ABHD5: variants seen among roughly 807,000 people sequenced by gnomAD.
ABHD5 encodes 1-acylglycerol-3-phosphate O-acyltransferase ABHD5.
ABHD5 carries 30 observed loss-of-function variants against 44.9 expected under a neutral mutation model. The ratio of observed to expected loss-of-function variants is 0.67; its 90% confidence interval spans 0.50 to 0.91. The LOEUF (loss-of-function observed/expected upper bound fraction) is 0.91. Ranked by LOEUF, ABHD5 falls within the 40% of genes least tolerant of loss-of-function variation. The pLI, the probability that ABHD5 is intolerant of heterozygous loss-of-function variation, is 0.00. For missense variants in ABHD5, 399 were observed against 423.4 expected (o/e 0.94, Z 0.50); for synonymous variants, 167 against 147.0 (o/e 1.14, Z -0.99).
rs1310243972 is a variant in ABHD5 at position 43,722,542 on chromosome 3, A to G, written c.*4010A>G. On this transcript the variant is annotated 3_prime_UTR_variant, in exon 7 of 7. Coordinates refer to ENST00000644371, the MANE Select transcript of ABHD5 (RefSeq NM_016006.6). ...TTTTGAGGCCCTGTCAATGTTTTAT[A>G]TAATAAACATTTTTTGAAAAGGCAA... The G allele has an allele frequency of 6.6e-6, 1 of 152,192 alleles. No individual in the cohort carries two copies. Among genetic ancestry groups the G allele is most frequent in the Non-Finnish European group, 1.5e-5 (1 of 68,018 alleles). The allele number at this position is 152,192 out of a possible 1,614,324, so 9.4% of individuals were successfully genotyped here.
intron 1 of ABHD5, among the ~76,000 whole-genome samples, chr3:43,694,253 C>T (rs1379369716): frequency 2.3e-5 from 3 of 132,452 alleles, no homozygotes; most frequent in South Asian, 5.2e-4. Flanking sequence ...AGCAAGACTC[C>T]GTCTCAAAAA....
At chr3:43,710,145 T>C (rs1035921221) in intron 3 of ABHD5, among the ~76,000 whole-genome samples, 5 of 152,246 alleles carry the variant, frequency 3.3e-5, no homozygotes, top group Admixed American at 3.3e-4. Flanking sequence ...AACCTCTTTC[T>C]GATACACTAT....
intron 2 of ABHD5, among the ~76,000 whole-genome samples, chr3:43,701,732 A>G (rs1288552229): frequency 2.0e-5 from 3 of 152,178 alleles, no homozygotes; most frequent in Non-Finnish European, 4.4e-5. Context: ...ATCCTTCCCT[A>G]AATTCATGAC....
intron 1 of ABHD5, among the ~76,000 whole-genome samples, chr3:43,693,171 T>C (rs1465057331): frequency 1.3e-5 from 2 of 152,202 alleles, no homozygotes; most frequent in Non-Finnish European, 2.9e-5. Context: ...ACAGAATTGC[T>C]CAGTTGCAGG....
rs2084832801 is a variant in ABHD5, at chr3:43,721,270, A to C, written c.*2738A>C. 6.6e-6 allele frequency: 1 copy of C among 152,296 alleles called. No homozygotes were observed. Among genetic ancestry groups the C allele is most frequent in the Non-Finnish European group, 1.5e-5 (1 of 68,018 alleles). The allele number at this position is 152,296 out of a possible 1,614,324, so 9.4% of individuals were successfully genotyped here. On this transcript the variant is annotated 3_prime_UTR_variant, in exon 7 of 7. Coordinates refer to ENST00000644371, the MANE Select transcript of ABHD5 (RefSeq NM_016006.6). Reference sequence around the variant, plus strand: ...AAAAATAAAATTGAATCGATTTCTCACAGGATACACAGGATAAAATCTGAA... The same window carrying C: ...AAAAATAAAATTGAATCGATTTCTCCCAGGATACACAGGATAAAATCTGAA...
chr3:43,708,932 A>G (rs1411947689), intron 3 of ABHD5, among the ~76,000 whole-genome samples: 2 of 152,186 alleles, frequency 1.3e-5, no homozygotes, highest in Non-Finnish European at 2.9e-5. Context: ...TTTCTGTTCC[A>G]AACAGTATAA....
At chr3:43,717,124 CTG>C (rs1473789871) in intron 5 of ABHD5, among the ~76,000 whole-genome samples, 1 of 151,662 alleles carries the variant, frequency 6.6e-6, no homozygotes, top group Non-Finnish European at 1.5e-5. Flanking sequence ...TGAGCTGAGA[CTG>C]TGCGTGCAGC....
At chr3:43,728,520 C>T (rs765656066) in intron 7 of ABHD5, among the ~76,000 whole-genome samples, 1 of 152,134 alleles carries the variant, frequency 6.6e-6, no homozygotes, top group Non-Finnish European at 1.5e-5. Flanking sequence ...CACCTCCACT[C>T]TCCAAAAAAT....
Position 43,719,450 on chromosome 3 carries a change from T to G in ABHD5, c.*918T>G, listed in dbSNP as rs1339443916. 6.6e-6 allele frequency: 1 copy of G among 152,184 alleles called. No homozygotes were observed. Among genetic ancestry groups the G allele is most frequent in the Non-Finnish European group, 1.5e-5 (1 of 68,014 alleles). The allele number at this position is 152,184 out of a possible 1,614,324, so 9.4% of individuals were successfully genotyped here. A position where few individuals can be genotyped will look rare whatever the true frequency, so the allele number is the denominator to read the frequency against. The stretch of plus-strand genomic sequence containing the variant: ...ACCATATTTTTATTAACATCTAACT[T>G]TTGTAGATGGGTGCTAAAATTGCAT... On this transcript the variant is annotated 3_prime_UTR_variant, in exon 7 of 7. Coordinates refer to ENST00000644371, the MANE Select transcript of ABHD5 (RefSeq NM_016006.6).
In ABHD5 at chr3:43,718,535, AC is replaced by A. The variant is rs1325078182; in HGVS notation, c.*4del. Reference sequence around the variant, plus strand: ...AGATCTGCGACACTGTGGACTGAACACACTGAAGCTCTGATGGGAAAACCTG... The same window carrying A: ...AGATCTGCGACACTGTGGACTGAACAACTGAAGCTCTGATGGGAAAACCTG... On this transcript the variant is annotated 3_prime_UTR_variant, in exon 7 of 7. Coordinates refer to ENST00000644371, the MANE Select transcript of ABHD5 (RefSeq NM_016006.6). 3.7e-6 allele frequency: 6 copies of A among 1,613,936 alleles called. No homozygotes were observed. The highest frequency in any genetic ancestry group is 1.3e-5 in the African/African-American group (1 of 75,074).
chr3:43,710,038 A>G (rs2084668157), intron 3 of ABHD5, among the ~76,000 whole-genome samples: 2 of 152,090 alleles, frequency 1.3e-5, no homozygotes, highest in Non-Finnish European at 2.9e-5. Flanking sequence ...GTGAGACTCC[A>G]TCTCAAAACA....
At chr3:43,732,034 G>T (rs1028542840) in intron 7 of ABHD5, among the ~76,000 whole-genome samples, 3 of 152,030 alleles carry the variant, frequency 2.0e-5, no homozygotes, top group Admixed American at 2.0e-4. Flanking sequence ...CAAAAAAGTG[G>T]TGAGTGCGAG....
rs1348692579 is a variant in ABHD5, at chr3:43,718,876, A to G, written c.*344A>G. On this transcript the variant is annotated 3_prime_UTR_variant, in exon 7 of 7. Coordinates refer to ENST00000644371, the MANE Select transcript of ABHD5 (RefSeq NM_016006.6). ...GCTAGTTATTTTTATATTGCAATCT[A>G]TATTACCAATTTAGGAAGTGATTTC... is the stretch of plus-strand genomic sequence containing the variant. The G allele has an allele frequency of 1.5e-5, 4 of 259,138 alleles. No homozygotes were observed. Among genetic ancestry groups the G allele is most frequent in the Non-Finnish European group, 2.3e-5 (3 of 132,338 alleles). 16.1% of individuals were successfully genotyped at this position (259,138 alleles called of 1,614,324 possible).
rs189325485 is a variant in ABHD5 at position 43,715,000 on chromosome 3, A to G, written c.715A>G (p.Met239Val). ...RPDFKRKYSS[M>V]FEDDTVTEYI... ...TGATTTCAAACGAAAGTATTCTTCA[A>G]TGTTCGAAGACGATACTGTGACAGA... Residue 239 changes from methionine to valine, a missense_variant, in exon 5 of 7, where the codon ATG becomes GTG. Physicochemically the swap from Met to Val is conservative, Grantham distance 21 (BLOSUM62 1). Coordinates refer to ENST00000644371, the MANE Select transcript of ABHD5 (RefSeq NM_016006.6). 1.9e-5 allele frequency: 30 copies of G among 1,613,246 alleles called. No individual in the cohort carries two copies. The highest frequency in any genetic ancestry group is 6.7e-5 in the Admixed American group (4 of 59,986).
At chr3:43,691,140 C>T (rs1252166571) in intron 1 of ABHD5, 101 bp downstream of exon 1, 2 of 1,201,170 alleles carry the variant, frequency 1.7e-6, no homozygotes, top group East Asian at 3.0e-5. Context: ...CGCCGCCCGC[C>T]TGGCGACGAC....
At chr3:43,694,472 T>G (rs1034141461) in intron 1 of ABHD5, among the ~76,000 whole-genome samples, 13 of 152,158 alleles carry the variant, frequency 8.5e-5, no homozygotes, top group Admixed American at 6.5e-5. Flanking sequence ...TTTATTCTCT[T>G]TATTATCTAG....
intron 1 of ABHD5, 38 bp downstream of exon 1, chr3:43,691,077 C>T (rs1270270205): frequency 1.3e-6 from 2 of 1,512,072 alleles, no homozygotes; most frequent in Non-Finnish European, 8.9e-7. Flanking sequence ...GTGTCTCCGG[C>T]GCGCACCCTC....
intron 7 of ABHD5, among the ~76,000 whole-genome samples, chr3:43,728,433 GA>G (rs2084892287): frequency 6.6e-6 from 1 of 152,184 alleles, no homozygotes; most frequent in African/African-American, 2.4e-5. Flanking sequence ...CATTGCTGAT[GA>G]AAACTATTCA....
At chr3:43,718,403 C>CT in intron 6 of ABHD5, 40 bp from the exon 7 acceptor site, 1 of 1,528,512 alleles carries the variant, frequency 6.5e-7, no homozygotes, top group Non-Finnish European at 9.1e-7. Flanking sequence ...TTATTAAATG[C>CT]TTTTACTCAC....
Sources: gnomAD v4.1 joint callset for allele counts (sites outside exome capture counted in the v4.1 genomes callset) on GRCh38, gnomAD v4.1.1 for gene constraint, MANE v1.5 for transcripts, NCBI Gene and HGNC (gene_info 2026-07-23, HGNC 2026-07-21) for gene names.